Variants in PTPRD observed in about 807,000 individuals in gnomAD.
PTPRD encodes receptor-type tyrosine-protein phosphatase delta.
PTPRD carries 34 observed loss-of-function variants against 214.5 expected under a neutral mutation model. The ratio of observed to expected loss-of-function variants is 0.16; its 90% CI spans 0.12 to 0.21. The LOEUF (loss-of-function observed/expected upper bound fraction) is 0.21, where lower values mean the gene tolerates loss of function less well. PTPRD is among the 10% of genes least tolerant of loss of function. The pLI, the probability that PTPRD is intolerant of heterozygous loss-of-function variation, is 1.00. For synonymous variants in PTPRD, 1,128 were observed against 845.7 expected (o/e 1.33, Z -5.79); for missense variants, 2,545 against 2,398.7 (o/e 1.06, Z -1.27).
chr9:9,870,233 G>A (rs12000306), intron 5 of PTPRD, among the ~76,000 whole-genome samples: 6 of 151,598 alleles, frequency 4.0e-5, no homozygotes, highest in Admixed American at 6.6e-5. Context: ...GAAAATTCCC[G>A]AATAAAAAGA....
Position 9,993,063 on chromosome 9 carries a change from T to G in PTPRD, c.-472+40655A>C, listed in dbSNP as rs146744682. Among the ~76,000 whole-genome samples the G allele has an allele frequency of 4.6e-5, 7 of 152,302 alleles. No homozygotes were observed. The East Asian group carries it at 1.2e-3, about 25-fold the overall frequency. On this transcript the variant is annotated intron_variant, in intron 4 of 45. Transcript: ENST00000381196. ...TGGTTAAATACATACTTTAGAAAAT[T>G]TAAAAGTATCAACTAAAGCTGAAAA...
At chr9:9,692,130 G>A (rs1242064279) in intron 7 of PTPRD, among the ~76,000 whole-genome samples, 2 of 151,882 alleles carry the variant, frequency 1.3e-5, no homozygotes, top group African/African-American at 4.8e-5. Flanking sequence ...TAAACTTGAT[G>A]TGATTCCATT....
intron 10 of PTPRD, among the ~76,000 whole-genome samples, chr9:9,168,265 T>C (rs1180268301): frequency 6.6e-6 from 1 of 152,214 alleles, no homozygotes; most frequent in Non-Finnish European, 1.5e-5. Flanking sequence ...ACAGTTTAGA[T>C]TGACATAAAA....
chr9:10,226,905 T>C (rs769777130), intron 3 of PTPRD, among the ~76,000 whole-genome samples: 15 of 152,030 alleles, frequency 9.9e-5, no homozygotes, highest in South Asian at 2.1e-4. Context: ...TCCTTATTTT[T>C]CAACTATTTG....
chr9:8,526,677 G>A (rs2139324267), intron 16 of PTPRD, 33 bp from the exon 17 acceptor site: 1 of 1,562,396 alleles, frequency 6.4e-7, no homozygotes. Flanking sequence ...AATAAGATTA[G>A]AAAGAAGAAG....
At chr9:8,338,788 C>T (rs1183283248) in intron 43 of PTPRD, 134 bp downstream of exon 43, 13 of 742,248 alleles carry the variant, frequency 1.8e-5, no homozygotes, top group Middle Eastern at 3.7e-4. Flanking sequence ...TAAAAAAAAA[C>T]GTTCTCCAGA....
intron 11 of PTPRD, among the ~76,000 whole-genome samples, chr9:9,000,911 C>T (rs574327949): frequency 6.6e-6 from 1 of 152,030 alleles, no homozygotes; most frequent in South Asian, 2.1e-4. Context: ...GGAGAGGTAG[C>T]AGGGAGATGT....
intron 34 of PTPRD, among the ~76,000 whole-genome samples, chr9:8,439,367 T>C (rs894420923): frequency 1.8e-4 from 27 of 152,342 alleles, no homozygotes; most frequent in African/African-American, 6.5e-4. Context: ...TTCCCACATA[T>C]AGACAGAACT....
chr9:8,486,952 C>A (rs1437010594), intron 27 of PTPRD, among the ~76,000 whole-genome samples: 1 of 152,034 alleles, frequency 6.6e-6, no homozygotes, highest in Non-Finnish European at 1.5e-5. Flanking sequence ...CTGGAGTCGA[C>A]TGCTTAAATG....
chr9:8,453,907 G>C lies in PTPRD; in HGVS notation c.3876-4070C>G, dbSNP rs1170976749. On this transcript the variant is annotated intron_variant, in intron 33 of 45. Coordinates refer to ENST00000381196, the MANE Select transcript of PTPRD (RefSeq NM_002839.4). ...TGGGAGAAAGGTAGGTGATCTTCAAGATGTTTTTTGTAGTTTAATTTTAAT... is the reference window on the plus strand; with the variant it reads ...TGGGAGAAAGGTAGGTGATCTTCAACATGTTTTTTGTAGTTTAATTTTAAT... Among the ~76,000 whole-genome samples the C allele has an allele frequency of 6.6e-5, 10 of 152,100 alleles. 1 individual carries two copies. The highest frequency in any genetic ancestry group is 6.5e-4 in the Admixed American group (10 of 15,276).
chr9:9,990,969 T>G (rs1169403975), intron 4 of PTPRD, among the ~76,000 whole-genome samples: 2 of 151,556 alleles, frequency 1.3e-5, no homozygotes, highest in African/African-American at 4.9e-5. Flanking sequence ...GAATTTCACT[T>G]TGCTGCCCAG....
intron 10 of PTPRD, among the ~76,000 whole-genome samples, chr9:9,147,234 C>A (rs1418440794): frequency 6.6e-6 from 1 of 151,886 alleles, no homozygotes; most frequent in Non-Finnish European, 1.5e-5. Flanking sequence ...ATAATCCAAT[C>A]CATTAATTGG....
intron 12 of PTPRD, among the ~76,000 whole-genome samples, chr9:8,712,778 G>A (rs2098369247): frequency 6.6e-6 from 1 of 152,162 alleles, no homozygotes; most frequent in Admixed American, 6.5e-5. Flanking sequence ...GAGTGCAGTG[G>A]CACGATCTTG....
At chr9:9,222,975 G>A (rs774151855) in intron 9 of PTPRD, among the ~76,000 whole-genome samples, 3 of 151,960 alleles carry the variant, frequency 2.0e-5, no homozygotes, top group Non-Finnish European at 2.9e-5. Flanking sequence ...CAAGTATACA[G>A]TCCATATTAC....
chr9:9,998,345 C>T (rs2154089767), intron 4 of PTPRD, among the ~76,000 whole-genome samples: 1 of 151,214 alleles, frequency 6.6e-6, no homozygotes, highest in South Asian at 2.1e-4. Context: ...CATTATAGCA[C>T]AGGAGCCCCA....
At chr9:8,834,921 C>A (rs947518144) in intron 11 of PTPRD, among the ~76,000 whole-genome samples, 1 of 152,192 alleles carries the variant, frequency 6.6e-6, no homozygotes, top group African/African-American at 2.4e-5. Flanking sequence ...GTGAGTAACT[C>A]CTGGGGTTAT....
At chr9:9,347,344 C>A (rs895278774) in intron 9 of PTPRD, among the ~76,000 whole-genome samples, 49 of 150,170 alleles carry the variant, frequency 3.3e-4, no homozygotes, top group South Asian at 4.2e-4. Context: ...ATCTATATAT[C>A]TATATGCATG....
intron 5 of PTPRD, among the ~76,000 whole-genome samples, chr9:9,779,098 A>AAG (rs1389395863): frequency 6.7e-6 from 1 of 148,416 alleles, no homozygotes; most frequent in Non-Finnish European, 1.5e-5. Flanking sequence ...AAAAAAAAAA[A>AAG]AAAAAAGCAA....
chr9:8,999,920 T>C (rs188497356), intron 11 of PTPRD, among the ~76,000 whole-genome samples: 3 of 152,144 alleles, frequency 2.0e-5, no homozygotes, highest in African/African-American at 7.2e-5. Flanking sequence ...TCTAAAAGCC[T>C]GGCTAAACTA....
Sources: gnomAD v4.1 joint callset for allele counts (sites outside exome capture counted in the v4.1 genomes callset) on GRCh38, gnomAD v4.1.1 for gene constraint, MANE v1.5 for transcripts, NCBI Gene and HGNC (gene_info 2026-07-23, HGNC 2026-07-21) for gene names.